CDCA7L: variants seen among roughly 807,000 people sequenced by gnomAD.
CDCA7L encodes cell division cycle associated 7 like, also known as cell division cycle-associated 7-like protein.
Under a neutral mutation model 57.4 loss-of-function variants are expected in CDCA7L, and 44 were observed. The ratio of observed to expected loss-of-function variants is 0.77; its 90% CI spans 0.60 to 0.98. CDCA7L has a LOEUF of 0.98. Ranked by LOEUF, CDCA7L falls within the 50% of genes least tolerant of loss-of-function variation. The pLI, the probability that CDCA7L is intolerant of heterozygous loss-of-function variation, is 0.00. For missense variants in CDCA7L, 644 were observed against 580.6 expected (o/e 1.11, Z -1.12); for synonymous variants, 236 against 202.8 (o/e 1.16, Z -1.39).
chr7:21,911,830 A>G (rs1261335785), intron 2 of CDCA7L, 76 bp from the exon 3 acceptor site: 1 of 1,398,814 alleles, frequency 7.1e-7, no homozygotes, highest in African/African-American at 1.4e-5. Context: ...ATGAGGAGCT[A>G]CTGAACGGGT....
chr7:21,911,996 C>T (rs1344088680), intron 2 of CDCA7L, among the ~76,000 whole-genome samples: 9 of 151,276 alleles, frequency 5.9e-5, no homozygotes, highest in Admixed American at 2.6e-4. Context: ...GGTACAGTGG[C>T]TCACCCTGTA....
At chr7:21,904,753 C>T (rs1203216420) in intron 7 of CDCA7L, among the ~76,000 whole-genome samples, 1 of 152,174 alleles carries the variant, frequency 6.6e-6, no homozygotes, top group Non-Finnish European at 1.5e-5. Flanking sequence ...TTGGGGACCA[C>T]TGCTCTAGAA....
intron 3 of CDCA7L, among the ~76,000 whole-genome samples, chr7:21,909,298 A>G (rs1234616081): frequency 6.6e-6 from 1 of 152,208 alleles, no homozygotes; most frequent in Non-Finnish European, 1.5e-5. Context: ...GCAGTGGTAC[A>G]GAGACAGGTT....
chr7:21,926,223 A>G (rs1259482202), intron 1 of CDCA7L, among the ~76,000 whole-genome samples: 1 of 133,266 alleles, frequency 7.5e-6, no homozygotes. Flanking sequence ...ATTAGTATTC[A>G]GCAGTTAATA....
chr7:21,901,664 C>CAAATT lies in CDCA7L; in HGVS notation c.*653_*657dup, dbSNP rs1407105525. On this transcript the variant is annotated 3_prime_UTR_variant, in exon 10 of 10. Transcript: ENST00000406877. ...GGAGATTTTAATTTTTAACAAACAA[C>CAAATT]AAATTAAATTATTAGCCCTTAAACT... 1.9e-5 allele frequency: 3 copies of CAAATT among 156,832 alleles called. No homozygotes were observed. Among genetic ancestry groups the CAAATT allele is most frequent in the African/African-American group, 4.8e-5 (2 of 41,402 alleles). 9.7% of individuals were successfully genotyped at this position (156,832 alleles called of 1,614,324 possible).
At chr7:21,926,281 G>A (rs988336401) in intron 1 of CDCA7L, among the ~76,000 whole-genome samples, 8 of 152,056 alleles carry the variant, frequency 5.3e-5, no homozygotes, top group African/African-American at 9.7e-5. Context: ...GCAACAATTC[G>A]AGGAAAATAA....
In CDCA7L at chr7:21,906,433, G is replaced by A; in HGVS notation, c.777C>T (p.Ala259=). ...SASRKKTVRR[A]FSEGQITRRM... ...GCCGCGTGATCTGTCCCTCCGAGAA[G>A]GCCCGCCTCACTGTCTTCTTCCTCT... The change falls in exon 6 of 10, where the codon GCC becomes GCT. Residue 259 remains alanine (A), a synonymous_variant. Coordinates refer to ENST00000406877, the MANE Select transcript of CDCA7L (RefSeq NM_018719.5). The A allele has an allele frequency of 6.2e-7, 1 of 1,610,660 alleles. No homozygotes were observed. Among genetic ancestry groups the A allele is most frequent in the Non-Finnish European group, 8.5e-7 (1 of 1,177,960 alleles).
chr7:21,915,916 G>A (rs951041832), intron 2 of CDCA7L, among the ~76,000 whole-genome samples: 23 of 152,112 alleles, frequency 1.5e-4, no homozygotes, highest in Middle Eastern at 3.2e-3. Flanking sequence ...TACTGGTGGG[G>A]TCAACTGCTG....
At chr7:21,926,379 A>C (rs2128065550) in intron 1 of CDCA7L, among the ~76,000 whole-genome samples, 1 of 152,344 alleles carries the variant, frequency 6.6e-6, no homozygotes, top group Admixed American at 6.5e-5. Flanking sequence ...TGGGAGAAAT[A>C]GCTACAAATC....
chr7:21,907,132 G>T (rs866619860), intron 4 of CDCA7L, among the ~76,000 whole-genome samples: 2 of 151,916 alleles, frequency 1.3e-5, no homozygotes, highest in Admixed American at 1.3e-4. Flanking sequence ...ATATTCCTAC[G>T]TGAACTAATA....
At chr7:21,909,365 A>G (rs1785241292) in intron 3 of CDCA7L, among the ~76,000 whole-genome samples, 2 of 152,146 alleles carry the variant, frequency 1.3e-5, no homozygotes, top group South Asian at 4.1e-4. Flanking sequence ...AGAAGCTAGA[A>G]AACTTTGGGA....
chr7:21,941,924 C>A (rs1377472412), intron 1 of CDCA7L, among the ~76,000 whole-genome samples: 1 of 152,206 alleles, frequency 6.6e-6, no homozygotes, highest in African/African-American at 2.4e-5. Context: ...CCTCTACTCT[C>A]CAAACCCAAG....
intron 1 of CDCA7L, among the ~76,000 whole-genome samples, chr7:21,936,527 CAATT>C (rs1387614206): frequency 6.6e-6 from 1 of 151,748 alleles, no homozygotes. Flanking sequence ...ACATAAAAAT[CAATT>C]AATGTAGTAC....
At chr7:21,930,282 AAC>A (rs1408701837) in intron 1 of CDCA7L, among the ~76,000 whole-genome samples, 3 of 152,234 alleles carry the variant, frequency 2.0e-5, no homozygotes, top group African/African-American at 7.2e-5. Flanking sequence ...GAACAAAGAC[AAC>A]ATACCAGAAT....
intron 2 of CDCA7L, among the ~76,000 whole-genome samples, chr7:21,912,183 C>T (rs1366980714): frequency 6.6e-6 from 1 of 152,020 alleles, no homozygotes; most frequent in African/African-American, 2.4e-5. Flanking sequence ...GATTACCCAA[C>T]CCTGGGAGGT....
intron 1 of CDCA7L, among the ~76,000 whole-genome samples, chr7:21,922,431 C>A (rs1336253357): frequency 6.6e-6 from 1 of 152,174 alleles, no homozygotes; most frequent in Non-Finnish European, 1.5e-5. Flanking sequence ...CAGCTGATCA[C>A]TGCCCTGCAG....
intron 1 of CDCA7L, among the ~76,000 whole-genome samples, chr7:21,930,187 T>A (rs558986274): frequency 6.6e-6 from 1 of 152,156 alleles, no homozygotes; most frequent in South Asian, 2.1e-4. Context: ...ACAACTACAT[T>A]GAAACTGAAC....
chr7:21,924,237 T>C (rs1275502363), intron 1 of CDCA7L, among the ~76,000 whole-genome samples: 1 of 152,208 alleles, frequency 6.6e-6, no homozygotes, highest in East Asian at 1.9e-4. Flanking sequence ...ATTCACTTTT[T>C]AGGCCAACTG....
intron 7 of CDCA7L, among the ~76,000 whole-genome samples, chr7:21,904,486 G>A (rs1785067387): frequency 6.6e-6 from 1 of 152,216 alleles, no homozygotes; most frequent in African/African-American, 2.4e-5. Flanking sequence ...ACAGCAGGAA[G>A]TGAGCAGCGG....
Sources: gnomAD v4.1 joint callset for allele counts (sites outside exome capture counted in the v4.1 genomes callset) on GRCh38, gnomAD v4.1.1 for gene constraint, MANE v1.5 for transcripts, NCBI Gene and HGNC (gene_info 2026-07-23, HGNC 2026-07-21) for gene names.